DROSHA: variants seen among roughly 807,000 people sequenced by gnomAD.
The protein encoded by DROSHA is drosha ribonuclease III, also known as ribonuclease 3.
In DROSHA, 56 loss-of-function variants were observed where a neutral mutation model predicts 181.9. The ratio of observed to expected loss-of-function variants is 0.31; its 90% confidence interval spans 0.25 to 0.38. DROSHA has a LOEUF of 0.38. Ranked by LOEUF, DROSHA falls within the 10% of genes least tolerant of loss-of-function variation. The pLI is 1.00. For synonymous variants in DROSHA, 524 were observed against 591.2 expected (o/e 0.89, Z 1.65); for missense variants, 1,218 against 1,743.5 (o/e 0.70, Z 5.37).
intron 13 of DROSHA, among the ~76,000 whole-genome samples, chr5:31,489,343 A>G (rs1335793944): frequency 6.6e-6 from 1 of 152,192 alleles, no homozygotes; most frequent in African/African-American, 2.4e-5. Context: ...TTTAAGTAAA[A>G]TCACTTCTTG....
intron 23 of DROSHA, among the ~76,000 whole-genome samples, chr5:31,443,147 G>A (rs988605481): frequency 6.6e-6 from 1 of 151,042 alleles, no homozygotes; most frequent in Non-Finnish European, 1.5e-5. Flanking sequence ...AGCCACCCGA[G>A]TAGCTGGGAT....
intron 27 of DROSHA, among the ~76,000 whole-genome samples, chr5:31,427,942 G>A (rs113888417): frequency 3.8e-4 from 58 of 152,302 alleles, no homozygotes; most frequent in African/African-American, 1.4e-3. Context: ...TGAGCCTTAT[G>A]CAGTTTCACA....
intron 30 of DROSHA, among the ~76,000 whole-genome samples, chr5:31,414,509 C>A (rs1471296822): frequency 1.3e-5 from 2 of 152,100 alleles, no homozygotes; most frequent in East Asian, 1.9e-4. Context: ...GTTAAGTGAA[C>A]CTGTCTAAGT....
At chr5:31,423,035 C>A in intron 28 of DROSHA, 91 bp from the exon 29 acceptor site, 1 of 1,250,092 alleles carries the variant, frequency 8.0e-7, no homozygotes, top group Non-Finnish European at 1.0e-6. Context: ...TGTAAAATTC[C>A]TTCTCCCATG....
chr5:31,507,871 G>A (rs527492397), intron 10 of DROSHA, among the ~76,000 whole-genome samples: 1 of 152,212 alleles, frequency 6.6e-6, no homozygotes, highest in South Asian at 2.1e-4. Context: ...AAGAGTAAAA[G>A]GAACACACAA....
At chr5:31,447,317 T>G (rs1013222242) in intron 23 of DROSHA, among the ~76,000 whole-genome samples, 9 of 152,208 alleles carry the variant, frequency 5.9e-5, no homozygotes, top group African/African-American at 2.2e-4. Context: ...AAAAAATCTG[T>G]ACAACAAACC....
chr5:31,524,823 TA>T (rs1166254171), intron 5 of DROSHA, among the ~76,000 whole-genome samples: 29 of 152,328 alleles, frequency 1.9e-4, no homozygotes, highest in African/African-American at 6.7e-4. Context: ...AAAAGAAATG[TA>T]ATATAGAATG....
chr5:31,432,752 A>G (rs1306306944), intron 25 of DROSHA, among the ~76,000 whole-genome samples: 1 of 152,192 alleles, frequency 6.6e-6, no homozygotes, highest in East Asian at 1.9e-4. Flanking sequence ...GTCAGTGTAT[A>G]CTAACTTTAC....
In DROSHA at chr5:31,422,869, C is replaced by T. The variant is rs769711908; in HGVS notation, c.3337G>A (p.Ala1113Thr). The change falls in exon 29 of 36, where the codon GCA (alanine) becomes ACA (threonine). Residue 1113 changes from alanine to threonine, a missense_variant. Physicochemically the swap from Ala to Thr is moderately conservative, Grantham distance 58. Transcript: ENST00000344624. ...VLQKLTEFEE[A>T]IGVIFTHVRL... ...ACATGAGTAAAAATTACTCCAATTG[C>T]TTCTTCAAACTCAGTAAGTTTTTGT... 2 of 1,613,482 alleles carry T rather than the reference C, an allele frequency of 1.2e-6. No individual in the cohort carries two copies. Among genetic ancestry groups the T allele is most frequent in the South Asian group, 1.1e-5 (1 of 90,984 alleles).
chr5:31,491,496 A>C (rs1310913691), intron 13 of DROSHA, among the ~76,000 whole-genome samples: 1 of 152,228 alleles, frequency 6.6e-6, no homozygotes, highest in East Asian at 1.9e-4. Flanking sequence ...AAAAGTCAAA[A>C]TAAGATGTAT....
chr5:31,446,169 G>A (rs539984529), intron 23 of DROSHA, among the ~76,000 whole-genome samples: 8 of 152,148 alleles, frequency 5.3e-5, no homozygotes, highest in East Asian at 3.9e-4. Context: ...ATTCCAGGCC[G>A]GGCGTGGTGG....
chr5:31,401,533 G>A lies in DROSHA; in HGVS notation c.4024C>T (p.Arg1342Trp), dbSNP rs561462275. Residue 1342 changes from arginine (R) to tryptophan (W), a missense_variant, in exon 36 of 36, where the codon CGG becomes TGG. This residue lies in a region of DROSHA where 48 missense variants were observed against 124.9 expected (regional missense o/e 0.38). Coordinates refer to ENST00000344624, the MANE Select transcript of DROSHA (RefSeq NM_001382508.1). ...YNFPQMAHQKRFIERKYRQEL... is the reference protein window; with the variant it reads ...YNFPQMAHQKWFIERKYRQEL... Reference sequence around the variant, plus strand: ...TGTCTGTACTTCCGTTCGATGAACCGCTTCTGATGGGCCATCTGGGGAAAA... The same window carrying A: ...TGTCTGTACTTCCGTTCGATGAACCACTTCTGATGGGCCATCTGGGGAAAA... 3.8e-6 allele frequency: 6 copies of A among 1,595,168 alleles called. No individual in the cohort carries two copies. The highest frequency in any genetic ancestry group is 5.1e-6 in the Non-Finnish European group (6 of 1,170,358).
intron 12 of DROSHA, among the ~76,000 whole-genome samples, chr5:31,494,956 G>A (rs1241457505): frequency 6.6e-6 from 1 of 152,144 alleles, no homozygotes; most frequent in Non-Finnish European, 1.5e-5. Flanking sequence ...TTACAGGCGT[G>A]AGCCACCGCG....
intron 16 of DROSHA, among the ~76,000 whole-genome samples, chr5:31,475,464 TTTTCTAAGGG>T (rs528657993): frequency 6.6e-6 from 1 of 152,164 alleles, no homozygotes; most frequent in Non-Finnish European, 1.5e-5. Flanking sequence ...TAATCACCAA[TTTTCTAAGGG>T]GACTGAGGTG....
At chr5:31,473,866 T>G (rs893936264) in intron 16 of DROSHA, among the ~76,000 whole-genome samples, 7 of 152,258 alleles carry the variant, frequency 4.6e-5, no homozygotes, top group Admixed American at 1.3e-4. Context: ...CAGAAGAATG[T>G]GAGAGAGGCA....
intron 23 of DROSHA, among the ~76,000 whole-genome samples, chr5:31,440,518 T>C (rs1251765748): frequency 6.6e-6 from 1 of 152,234 alleles, no homozygotes; most frequent in African/African-American, 2.4e-5. Context: ...TTTGGAATTT[T>C]ACAGGAAATA....
chr5:31,404,607 C>A (rs530903048), intron 35 of DROSHA, among the ~76,000 whole-genome samples: 10 of 152,240 alleles, frequency 6.6e-5, no homozygotes, highest in African/African-American at 2.4e-4. Flanking sequence ...ATGTTGCGCC[C>A]ACAGGTTCTG....
At chr5:31,489,407 T>A (rs1239348881) in intron 13 of DROSHA, among the ~76,000 whole-genome samples, 1 of 152,200 alleles carries the variant, frequency 6.6e-6, no homozygotes, top group Non-Finnish European at 1.5e-5. Context: ...CTTTTGGGCT[T>A]CCATCCATAC....
chr5:31,479,981 A>T (rs1261435050), intron 16 of DROSHA, among the ~76,000 whole-genome samples: 1 of 151,634 alleles, frequency 6.6e-6, no homozygotes, highest in Non-Finnish European at 1.5e-5. Flanking sequence ...CATTCTCACC[A>T]CTTGGCATTT....
Sources: gnomAD v4.1 joint callset for allele counts (sites outside exome capture counted in the v4.1 genomes callset) on GRCh38, gnomAD v4.1.1 for gene constraint, gnomAD v4.1.1 regional missense constraint, MANE v1.5 for transcripts, NCBI Gene and HGNC (gene_info 2026-07-23, HGNC 2026-07-21) for gene names.